The following ASAP2 variants were observed in gnomAD, a reference collection of about 807,000 sequenced individuals.
ASAP2 encodes arf-GAP with SH3 domain, ANK repeat and PH domain-containing protein 2.
A neutral mutation model predicts 131.4 loss-of-function variants in ASAP2; 45 were observed. The observed-to-expected ratio is 0.34, with a 90% CI of 0.27 to 0.44. ASAP2 has a LOEUF of 0.44. Ranked by LOEUF, ASAP2 falls within the 20% of genes least tolerant of loss-of-function variation. The probability of loss-of-function intolerance (pLI) is 1.00; values close to 1 mark genes in which losing one functional copy is unlikely to be tolerated. For missense variants in ASAP2, 1,011 were observed against 1,297.0 expected, an observed-to-expected ratio of 0.78 and a Z score of 3.39; for synonymous variants, 510 against 503.0, an observed-to-expected ratio of 1.01 and a Z score of -0.19.
chr2:9,225,943 A>C (rs1010605954), intron 1 of ASAP2, among the ~76,000 whole-genome samples: 1 of 152,230 alleles, frequency 6.6e-6, no homozygotes, highest in Non-Finnish European at 1.5e-5. Context: ...CAACTGCTCC[A>C]TACCAGGCCG....
chr2:9,227,055 T>G (rs1662823565), intron 1 of ASAP2, among the ~76,000 whole-genome samples: 1 of 152,196 alleles, frequency 6.6e-6, no homozygotes. Flanking sequence ...GAAGTATGTG[T>G]GAGAGAGTAT....
chr2:9,380,007 A>T (rs1674707572), intron 19 of ASAP2, among the ~76,000 whole-genome samples: 1 of 151,654 alleles, frequency 6.6e-6, no homozygotes, highest in East Asian at 1.9e-4. Flanking sequence ...AAAAAAATAA[A>T]TAAAGTATAT....
At chr2:9,254,954 A>G (rs945710756) in intron 1 of ASAP2, among the ~76,000 whole-genome samples, 3 of 152,186 alleles carry the variant, frequency 2.0e-5, no homozygotes, top group African/African-American at 4.8e-5. Flanking sequence ...TGAGAGTGCA[A>G]TTGCCGTGTT....
chr2:9,255,765 A>G (rs1665111650), intron 1 of ASAP2, among the ~76,000 whole-genome samples: 1 of 152,240 alleles, frequency 6.6e-6, no homozygotes, highest in East Asian at 1.9e-4. Flanking sequence ...AAAATTTCCA[A>G]CAGTTGTTAA....
At position 9,380,808 on chromosome 2, in the gene ASAP2, G is replaced by T; in HGVS notation, c.2016G>T (p.Leu672=). 3 of 1,613,948 alleles carry T rather than the reference G, an allele frequency of 1.9e-6. No individual in the cohort carries two copies. Among genetic ancestry groups the T allele is most frequent in the Non-Finnish European group, 2.5e-6 (3 of 1,179,974 alleles). The part of the protein sequence containing the change: ...KRLKHEHCEE[L]LTQALSGRFN... ...TCAAGCACGAGCACTGTGAGGAGCT[G>T]GTGAGTCTCCCACCACAAGGACGGG... Residue 672 remains leucine, a splice_region_variant and synonymous_variant, in exon 20 of 28, where the codon CTG becomes CTT. Coordinates refer to ENST00000281419, the MANE Select transcript of ASAP2 (RefSeq NM_003887.3).
intron 1 of ASAP2, among the ~76,000 whole-genome samples, chr2:9,226,402 G>A (rs368584943): frequency 5.9e-5 from 9 of 152,240 alleles, no homozygotes; most frequent in African/African-American, 1.2e-4. Context: ...TGCAGAACTC[G>A]GCATGGGTCT....
At position 9,391,045 on chromosome 2, in the gene ASAP2, C is replaced by T. The variant is rs1675676753; in HGVS notation, c.2384-17C>T. On this transcript the variant is annotated splice_polypyrimidine_tract_variant and intron_variant, in intron 22 of 27. Transcript: ENST00000281419. ...ATGTGTGCGTGCATGCGTCTGTGTG[C>T]ATGCGTGTGGGTTCAGTTCAGACAG... 1 of 1,614,062 alleles carries T rather than the reference C, an allele frequency of 6.2e-7. No homozygotes were observed. Among genetic ancestry groups the T allele is most frequent in the African/African-American group, 1.3e-5 (1 of 74,930 alleles).
intron 3 of ASAP2, among the ~76,000 whole-genome samples, chr2:9,306,509 G>C (rs1049953142): frequency 6.6e-6 from 1 of 151,858 alleles, no homozygotes; most frequent in African/African-American, 2.4e-5. Context: ...GAGGAAAGCA[G>C]GTGGGAAGGG....
intron 1 of ASAP2, among the ~76,000 whole-genome samples, chr2:9,263,701 A>T (rs1475401057): frequency 2.0e-5 from 3 of 152,036 alleles, no homozygotes; most frequent in Non-Finnish European, 4.4e-5. Flanking sequence ...CTCGTTGTTC[A>T]TGCGTCGTTT....
At chr2:9,248,233 G>A (rs994872040) in intron 1 of ASAP2, among the ~76,000 whole-genome samples, 7 of 152,200 alleles carry the variant, frequency 4.6e-5, no homozygotes, top group East Asian at 1.9e-4. Flanking sequence ...CCTGTGTTCC[G>A]AGTGGGAATC....
chr2:9,251,641 G>A (rs1664716046), intron 1 of ASAP2, among the ~76,000 whole-genome samples: 1 of 152,122 alleles, frequency 6.6e-6, no homozygotes, highest in African/African-American at 2.4e-5. Flanking sequence ...AGAAGGGGAA[G>A]GGAGCAGCTG....
chr2:9,219,893 A>G (rs1662297985), intron 1 of ASAP2, among the ~76,000 whole-genome samples: 1 of 152,046 alleles, frequency 6.6e-6, no homozygotes, highest in African/African-American at 2.4e-5. Flanking sequence ...CTTGGCAGTC[A>G]CTCATCTACT....
intron 1 of ASAP2, among the ~76,000 whole-genome samples, chr2:9,228,666 CTG>C (rs1313163523): frequency 1.3e-5 from 2 of 152,246 alleles, no homozygotes; most frequent in African/African-American, 2.4e-5. Context: ...AGGCAAGAAA[CTG>C]TGGTGCCTCT....
At chr2:9,235,461 C>A (rs1322665242) in intron 1 of ASAP2, among the ~76,000 whole-genome samples, 1 of 152,200 alleles carries the variant, frequency 6.6e-6, no homozygotes, top group African/African-American at 2.4e-5. Flanking sequence ...AGATGTTGTT[C>A]ATTCCAGCAG....
intron 1 of ASAP2, among the ~76,000 whole-genome samples, chr2:9,240,586 T>A (rs1240131689): frequency 2.0e-5 from 3 of 152,150 alleles, no homozygotes; most frequent in Non-Finnish European, 4.4e-5. Context: ...AACTAAGCAC[T>A]TGCCACGCAC....
At position 9,374,769 on chromosome 2, in the gene ASAP2, A is replaced by G; in HGVS notation, c.1571A>G (p.Asp524Gly). 6.2e-7 allele frequency: 1 copy of G among 1,602,480 alleles called. No individual in the cohort carries two copies. The highest frequency in any genetic ancestry group is 1.8e-5 in the Admixed American group (1 of 57,044). The part of the protein sequence containing the change: ...NPGSDMNARK[D>G]YITAKYIERR... ...TTTGGTTTCAGGAATGCAAGAAAGG[A>G]CTACATCACAGCCAAGTACATCGAG... Residue 524 changes from aspartate (D) to glycine (G), a missense_variant, in exon 17 of 28, where the codon GAC (aspartate) becomes GGC (glycine). Physicochemically the swap from Asp to Gly is moderately conservative, Grantham distance 94. Around this residue, in one of 2 missense-constraint regions of ASAP2, gnomAD observed 652 missense variants for 698.9 expected, o/e 0.93. Coordinates refer to ENST00000281419, the MANE Select transcript of ASAP2 (RefSeq NM_003887.3).
intron 2 of ASAP2, among the ~76,000 whole-genome samples, chr2:9,284,451 C>G (rs964591608): frequency 6.6e-6 from 1 of 152,220 alleles, no homozygotes; most frequent in South Asian, 2.1e-4. Context: ...ATAAAGAAGA[C>G]GTAGGTATTA....
At chr2:9,321,431 C>T (rs11686872) in intron 5 of ASAP2, among the ~76,000 whole-genome samples, 42,079 of 152,038 alleles carry the variant, frequency 0.28, 6,401 homozygotes, top group Non-Finnish European at 0.36. Flanking sequence ...GTCCATTCAG[C>T]CCAGGGAGGC....
chr2:9,208,574 T>C (rs1572160052), intron 1 of ASAP2, among the ~76,000 whole-genome samples: 2 of 152,282 alleles, frequency 1.3e-5, no homozygotes, highest in Non-Finnish European at 2.9e-5. Context: ...ATCCTGTTAA[T>C]ATAACTTGGG....
Sources: gnomAD v4.1 joint callset for allele counts (sites outside exome capture counted in the v4.1 genomes callset) on GRCh38, gnomAD v4.1.1 for gene constraint, gnomAD v4.1.1 regional missense constraint, MANE v1.5 for transcripts, NCBI Gene and HGNC (gene_info 2026-07-23, HGNC 2026-07-21) for gene names.